TMTC2: variants seen among roughly 807,000 people sequenced by gnomAD.
The protein encoded by TMTC2 is transmembrane O-mannosyltransferase targeting cadherins 2, also known as protein O-mannosyl-transferase TMTC2.
In TMTC2, 43 loss-of-function variants were observed where a neutral mutation model predicts 82.4. That is an observed-to-expected ratio of 0.52 (90% confidence interval 0.41 to 0.67). The LOEUF is 0.67. Ranked by LOEUF, TMTC2 falls within the 30% of genes least tolerant of loss-of-function variation. The probability of loss-of-function intolerance (pLI) is 0.00; values close to 1 mark genes in which losing one functional copy is unlikely to be tolerated. For missense variants in TMTC2, 919 were observed against 1,012.4 expected, an observed-to-expected ratio of 0.91 and a Z score of 1.25; for synonymous variants, 408 against 381.9, an observed-to-expected ratio of 1.07 and a Z score of -0.80.
chr12:83,089,591 C>T (rs1883772949), intron 11 of TMTC2, among the ~76,000 whole-genome samples: 2 of 152,106 alleles, frequency 1.3e-5, no homozygotes, highest in South Asian at 4.1e-4. Flanking sequence ...TAATAGGCTG[C>T]TCTTAAGCCA....
At chr12:83,118,430 A>G (rs2137556660) in intron 11 of TMTC2, among the ~76,000 whole-genome samples, 1 of 152,252 alleles carries the variant, frequency 6.6e-6, no homozygotes, top group South Asian at 2.1e-4. Flanking sequence ...TAAGATGATC[A>G]TGTGATTTTT....
rs1401117374 is a variant in TMTC2 at position 82,857,061 on chromosome 12, C to T, written c.135C>T (p.His45=). 1.3e-5 allele frequency: 21 copies of T among 1,613,560 alleles called. No homozygotes were observed. The highest frequency in any genetic ancestry group is 1.6e-5 in the Non-Finnish European group (19 of 1,180,038). ...TTCTCCCAGAAACTCCATGGACGCA[C>T]ATTTTCTACAATGATTTTTGGGGGA... The part of the protein sequence containing the change: ...QDLLPETPWT[H]IFYNDFWGTL... Residue 45 remains histidine, a synonymous_variant, in exon 2 of 12, where the codon CAC becomes CAT. Transcript: ENST00000321196.
intron 1 of TMTC2, among the ~76,000 whole-genome samples, chr12:82,781,523 C>T (rs779633278): frequency 1.3e-5 from 2 of 150,554 alleles, no homozygotes; most frequent in African/African-American, 2.4e-5. Flanking sequence ...CATCTTAACA[C>T]AGATGCTAAT....
intron 4 of TMTC2, among the ~76,000 whole-genome samples, chr12:82,948,450 G>T (rs1269008077): frequency 6.6e-6 from 1 of 151,880 alleles, no homozygotes; most frequent in Non-Finnish European, 1.5e-5. Context: ...CAAGTGAATT[G>T]TTGCTAAGTT....
chr12:82,803,813 A>G (rs1879122066), intron 1 of TMTC2, among the ~76,000 whole-genome samples: 1 of 152,048 alleles, frequency 6.6e-6, no homozygotes, highest in South Asian at 2.1e-4. Context: ...AAAAGGTCAG[A>G]CACTGCACTT....
At chr12:82,995,477 C>G (rs146691281) in intron 8 of TMTC2, among the ~76,000 whole-genome samples, 1 of 152,080 alleles carries the variant, frequency 6.6e-6, no homozygotes, top group South Asian at 2.1e-4. Context: ...TTTGTGATTT[C>G]CCCTTATGTT....
chr12:83,131,708 A>C (rs1042123165), intron 11 of TMTC2, among the ~76,000 whole-genome samples: 9 of 152,190 alleles, frequency 5.9e-5, no homozygotes, highest in Non-Finnish European at 1.2e-4. Flanking sequence ...ATTTTTACCC[A>C]AAAACATCCG....
intron 8 of TMTC2, among the ~76,000 whole-genome samples, chr12:83,005,605 A>G (rs1880165878): frequency 6.6e-6 from 1 of 152,122 alleles, no homozygotes; most frequent in Admixed American, 6.5e-5. Context: ...TTCTGGATCT[A>G]CGTGCTCTGA....
At chr12:83,056,651 G>T (rs191251269) in intron 10 of TMTC2, among the ~76,000 whole-genome samples, 2 of 151,882 alleles carry the variant, frequency 1.3e-5, no homozygotes, top group Admixed American at 1.3e-4. Flanking sequence ...TATTTCCAGC[G>T]CCCTCTGGAC....
At chr12:82,838,497 C>G (rs1870167947) in intron 1 of TMTC2, among the ~76,000 whole-genome samples, 1 of 152,206 alleles carries the variant, frequency 6.6e-6, no homozygotes, top group South Asian at 2.1e-4. Flanking sequence ...GTTTAATGTG[C>G]TAACACTGCA....
intron 11 of TMTC2, among the ~76,000 whole-genome samples, chr12:83,107,081 T>C (rs969718729): frequency 4.6e-5 from 7 of 152,210 alleles, no homozygotes; most frequent in African/African-American, 7.2e-5. Flanking sequence ...AGAAATACAG[T>C]GTTCATGTAT....
chr12:82,835,749 C>A (rs151016164), intron 1 of TMTC2, among the ~76,000 whole-genome samples: 1 of 152,316 alleles, frequency 6.6e-6, no homozygotes, highest in Non-Finnish European at 1.5e-5. Flanking sequence ...TTAGGCAGTT[C>A]GCATTGATAT....
chr12:82,784,360 A>T (rs918676318), intron 1 of TMTC2, among the ~76,000 whole-genome samples: 5 of 152,062 alleles, frequency 3.3e-5, no homozygotes, highest in Admixed American at 1.3e-4. Context: ...GAACCTGCAT[A>T]TTAAGTGGAA....
intron 3 of TMTC2, among the ~76,000 whole-genome samples, chr12:82,924,901 A>G (rs1875613210): frequency 6.6e-6 from 1 of 152,070 alleles, no homozygotes; most frequent in Non-Finnish European, 1.5e-5. Context: ...AATAACCCCC[A>G]GACTTCTTAT....
intron 1 of TMTC2, among the ~76,000 whole-genome samples, chr12:82,790,175 T>TAAAAA (rs368323390): frequency 7.3e-6 from 1 of 136,378 alleles, no homozygotes. Flanking sequence ...CCTTGTCTCT[T>TAAAAA]AAAAAAAAAA....
chr12:83,102,160 A>G (rs1335850262), intron 11 of TMTC2, among the ~76,000 whole-genome samples: 2 of 152,172 alleles, frequency 1.3e-5, no homozygotes, highest in East Asian at 3.8e-4. Context: ...CACATCAGAA[A>G]AAGTTTCGTT....
chr12:82,737,842 T>A (rs1278784886), intron 1 of TMTC2, among the ~76,000 whole-genome samples: 1 of 152,216 alleles, frequency 6.6e-6, no homozygotes, highest in Non-Finnish European at 1.5e-5. Context: ...TTTCTAATGC[T>A]GTTTCTAATG....
intron 3 of TMTC2, among the ~76,000 whole-genome samples, chr12:82,911,041 C>A (rs575533878): frequency 6.6e-6 from 1 of 151,928 alleles, no homozygotes; most frequent in Non-Finnish European, 1.5e-5. Flanking sequence ...CCACCATGCC[C>A]GGCTAATTTT....
At chr12:82,753,502 A>G (rs1489610810) in intron 1 of TMTC2, among the ~76,000 whole-genome samples, 2 of 152,168 alleles carry the variant, frequency 1.3e-5, no homozygotes, top group South Asian at 2.1e-4. Context: ...TTTAATATTG[A>G]CCAATGTTTT....
Sources: allele counts gnomAD v4.1 joint callset (sites outside exome capture counted in the v4.1 genomes callset), GRCh38; gene constraint gnomAD v4.1.1; transcripts MANE v1.5; gene names NCBI Gene and HGNC (gene_info 2026-07-23, HGNC 2026-07-21).